Variants in IL21R observed in about 807,000 individuals in gnomAD.
IL21R encodes interleukin 21 receptor.
A neutral mutation model predicts 41.3 loss-of-function variants in IL21R; 14 were observed. The ratio of observed to expected loss-of-function variants is 0.34; its 90% CI spans 0.22 to 0.53. IL21R has a LOEUF of 0.53. Among genes scored for constraint, IL21R ranks in the 20% least tolerant of loss-of-function variants. IL21R has a pLI of 0.94. For synonymous variants in IL21R, 286 were observed against 287.6 expected (o/e 0.99, Z 0.05); for missense variants, 588 against 681.6 (o/e 0.86, Z 1.53).
chr16:27,409,998 T>G (rs182299400), intron 1 of IL21R, among the ~76,000 whole-genome samples: 227 of 152,298 alleles, frequency 1.5e-3, no homozygotes, highest in Middle Eastern at 6.8e-3. Context: ...ATTTATGTTT[T>G]CTCTAATTTT....
At position 27,436,175 on chromosome 16, in the gene IL21R, G is replaced by A. The variant is rs3093337; in HGVS notation, c.153-1313G>A. Among the ~76,000 whole-genome samples, 1,493 of 152,168 alleles carry A rather than the reference G, an allele frequency of 9.8e-3. 37 individuals are homozygous for A. The highest frequency in any genetic ancestry group is 0.034 in the African/African-American group (1,408 of 41,506). On this transcript the variant is annotated intron_variant, in intron 3 of 8. Coordinates refer to ENST00000337929, the MANE Select transcript of IL21R (RefSeq NM_181078.3). ...CCCCGGGATGGCCGGTCTGCCGCAT[G>A]GCCAGCCTCCCAAAGTGTTGGGATT...
At chr16:27,405,511 G>A (rs2086728784) in intron 1 of IL21R, among the ~76,000 whole-genome samples, 1 of 152,228 alleles carries the variant, frequency 6.6e-6, no homozygotes. Flanking sequence ...AGCAGGGTGG[G>A]GGTTTTTCTA....
chr16:27,432,998 A>G (rs1226898432), intron 2 of IL21R, among the ~76,000 whole-genome samples: 1 of 152,170 alleles, frequency 6.6e-6, no homozygotes, highest in East Asian at 1.9e-4. Flanking sequence ...TTGGAGCCTC[A>G]GTGTTCTCAT....
At chr16:27,408,876 A>G (rs2086786667) in intron 1 of IL21R, among the ~76,000 whole-genome samples, 1 of 152,186 alleles carries the variant, frequency 6.6e-6, no homozygotes, top group Non-Finnish European at 1.5e-5. Context: ...CAATCGTGTG[A>G]CAGAAAAAAG....
intron 4 of IL21R, among the ~76,000 whole-genome samples, chr16:27,440,616 G>A (rs570225344): frequency 1.3e-5 from 2 of 152,168 alleles, no homozygotes; most frequent in Non-Finnish European, 2.9e-5. Context: ...GCCCCAGGCT[G>A]TGTTCTAGGA....
chr16:27,416,428 G>A (rs532853878), intron 1 of IL21R, among the ~76,000 whole-genome samples: 10 of 152,120 alleles, frequency 6.6e-5, no homozygotes, highest in African/African-American at 1.4e-4. Context: ...GTGAACCACC[G>A]CACCCAGCCT....
At chr16:27,423,851 T>C (rs2087034759) in intron 1 of IL21R, among the ~76,000 whole-genome samples, 1 of 152,052 alleles carries the variant, frequency 6.6e-6, no homozygotes, top group East Asian at 1.9e-4. Context: ...TACATAAGAG[T>C]GAAGTTACTG....
rs1214934147 is a variant in IL21R at position 27,451,133 on chromosome 16, CCCGTGCACCTGCA to C, written c.*1853_*1865del. ...ACGGAGCAGGCGCAGCCCTCAACACCCCGTGCACCTGCACCCTAGGGACTCTTGGGTCCAGATG... is the reference window on the plus strand; with the variant it reads ...ACGGAGCAGGCGCAGCCCTCAACACCCCCTAGGGACTCTTGGGTCCAGATG... On this transcript the variant is annotated 3_prime_UTR_variant, in exon 9 of 9. Transcript: ENST00000337929. 8.6e-6 allele frequency: 2 copies of C among 232,726 alleles called. No individual in the cohort carries two copies. Among genetic ancestry groups the C allele is most frequent in the African/African-American group, 4.4e-5 (2 of 45,290 alleles). The allele number at this position is 232,726 out of a possible 1,614,324, so 14.4% of individuals were successfully genotyped here.
intron 2 of IL21R, among the ~76,000 whole-genome samples, chr16:27,430,619 C>G (rs902448732): frequency 6.6e-6 from 1 of 152,122 alleles, no homozygotes; most frequent in Admixed American, 6.5e-5. Flanking sequence ...ATCTCAAGAC[C>G]AGCCTGGGCA....
At chr16:27,409,526 C>T (rs752682841) in intron 1 of IL21R, among the ~76,000 whole-genome samples, 5 of 152,030 alleles carry the variant, frequency 3.3e-5, no homozygotes, top group Non-Finnish European at 7.4e-5. Context: ...TACAGTCTAT[C>T]TGTAGTTTAT....
intron 1 of IL21R, among the ~76,000 whole-genome samples, chr16:27,420,115 C>T (rs972700888): frequency 6.6e-6 from 1 of 152,008 alleles, no homozygotes; most frequent in African/African-American, 2.4e-5. Context: ...GTCTTGAAGT[C>T]CTGACCTCAA....
chr16:27,437,798 G>A, intron 4 of IL21R, 111 bp downstream of exon 4: 1 of 814,348 alleles, frequency 1.2e-6, no homozygotes, highest in Non-Finnish European at 2.0e-6. Flanking sequence ...GTGTAGCTGG[G>A]ACAACAGGTG....
At chr16:27,421,807 A>G (rs1254820287) in intron 1 of IL21R, among the ~76,000 whole-genome samples, 1 of 152,112 alleles carries the variant, frequency 6.6e-6, no homozygotes, top group African/African-American at 2.4e-5. Flanking sequence ...ATTATCTGCA[A>G]AGAGAAATGG....
At chr16:27,428,166 G>A (rs367849028) in intron 1 of IL21R, among the ~76,000 whole-genome samples, 57 of 151,304 alleles carry the variant, frequency 3.8e-4, no homozygotes, top group African/African-American at 1.4e-3. Flanking sequence ...GCCATCTGCA[G>A]GGTTTTATGC....
At chr16:27,430,379 T>A (rs998402978) in intron 2 of IL21R, among the ~76,000 whole-genome samples, 1 of 152,206 alleles carries the variant, frequency 6.6e-6, no homozygotes, top group Non-Finnish European at 1.5e-5. Context: ...TGTCTTCGGG[T>A]GTCACTGGGG....
chr16:27,438,136 C>T (rs974207566), intron 4 of IL21R, among the ~76,000 whole-genome samples: 3 of 152,090 alleles, frequency 2.0e-5, no homozygotes, highest in Admixed American at 6.5e-5. Context: ...CTTCTGGGTT[C>T]GTGTTCCGGC....
intron 1 of IL21R, among the ~76,000 whole-genome samples, chr16:27,429,703 G>A (rs2087136603): frequency 6.6e-6 from 1 of 152,160 alleles, no homozygotes; most frequent in Admixed American, 6.5e-5. Flanking sequence ...GAGCCCAGGA[G>A]GTTGAGGCTG....
At chr16:27,429,843 A>T (rs1477176519) in intron 1 of IL21R, among the ~76,000 whole-genome samples, 3 of 152,218 alleles carry the variant, frequency 2.0e-5, no homozygotes. Flanking sequence ...CGGGGGCAGG[A>T]AGAAGGTGGG....
At chr16:27,419,110 G>A (rs2086956154) in intron 1 of IL21R, among the ~76,000 whole-genome samples, 1 of 152,094 alleles carries the variant, frequency 6.6e-6, no homozygotes. Flanking sequence ...AGCTACTTGG[G>A]AGGCTGAGAC....
Sources: allele counts gnomAD v4.1 joint callset (sites outside exome capture counted in the v4.1 genomes callset), GRCh38; gene constraint gnomAD v4.1.1; transcripts MANE v1.5; gene names NCBI Gene and HGNC (gene_info 2026-07-23, HGNC 2026-07-21).